Variants in CPED1 observed in about 807,000 individuals in gnomAD.
CPED1 encodes cadherin-like and PC-esterase domain-containing protein 1.
In CPED1, 114 loss-of-function variants were observed where a neutral mutation model predicts 128.2. The observed-to-expected ratio is 0.89, with a 90% CI of 0.76 to 1.04. The LOEUF (loss-of-function observed/expected upper bound fraction) is 1.04. Among genes scored for constraint, CPED1 ranks in the 50% least tolerant of loss-of-function variants. The pLI, the probability that CPED1 is intolerant of heterozygous loss-of-function variation, is 0.00. For missense variants in CPED1, 1,211 were observed against 1,207.1 expected, an observed-to-expected ratio of 1.00 and a Z score of -0.05; for synonymous variants, 462 against 426.7, an observed-to-expected ratio of 1.08 and a Z score of -1.02.
chr7:121,282,867 T>C (rs547155251), intron 22 of CPED1, among the ~76,000 whole-genome samples: 18 of 152,282 alleles, frequency 1.2e-4, no homozygotes, highest in Admixed American at 1.1e-3. Flanking sequence ...CCCTTGAGGG[T>C]AGGGACCATA....
At chr7:121,032,775 T>C (rs1792770838) in intron 3 of CPED1, among the ~76,000 whole-genome samples, 1 of 152,122 alleles carries the variant, frequency 6.6e-6, no homozygotes, top group African/African-American at 2.4e-5. Flanking sequence ...TGCAGTTTAA[T>C]AGTACTTGGC....
chr7:121,167,025 A>T (rs538285769), intron 16 of CPED1, among the ~76,000 whole-genome samples: 1 of 152,296 alleles, frequency 6.6e-6, no homozygotes, highest in East Asian at 1.9e-4. Flanking sequence ...GCCTTCGCTA[A>T]TCATTCAGTG....
rs1190089090 is a variant in CPED1, at chr7:121,261,506, C to CTCCT, written c.2311-4720_2311-4717dup. The CTCCT allele has an allele frequency of 5.9e-6, 8 of 1,363,602 alleles. No homozygotes were observed. In the East Asian group the frequency reaches 1.7e-4, roughly 30 times the overall value. The allele number at this position is 1,363,602 out of a possible 1,614,324, so 84.5% of individuals were successfully genotyped here. A position where few individuals can be genotyped will look rare whatever the true frequency, so the allele number is the denominator to read the frequency against. On this transcript the variant is annotated intron_variant, in intron 18 of 22. Transcript: ENST00000310396. The stretch of plus-strand genomic sequence containing the variant: ...ACAACTTGACTATATTTCTCAGTGT[C>CTCCT]TCCTGACATTAGGTATTTGGCCATG...
intron 7 of CPED1, among the ~76,000 whole-genome samples, chr7:121,122,624 C>G (rs1014983935): frequency 6.6e-6 from 1 of 152,108 alleles, no homozygotes; most frequent in African/African-American, 2.4e-5. Flanking sequence ...GAACCTGGAC[C>G]TTTTTACCTC....
At chr7:121,236,411 T>G (rs1401070174) in intron 16 of CPED1, among the ~76,000 whole-genome samples, 1 of 152,144 alleles carries the variant, frequency 6.6e-6, no homozygotes, top group Admixed American at 6.6e-5. Flanking sequence ...CTTGCTGTAT[T>G]GTCCTCTATT....
At chr7:121,033,200 C>T (rs2116864535) in intron 3 of CPED1, among the ~76,000 whole-genome samples, 1 of 152,232 alleles carries the variant, frequency 6.6e-6, no homozygotes, top group South Asian at 2.1e-4. Flanking sequence ...GAGTGTCTGT[C>T]AAGTTAATAT....
chr7:121,221,260 A>G (rs540551735), intron 16 of CPED1, among the ~76,000 whole-genome samples: 5 of 152,148 alleles, frequency 3.3e-5, no homozygotes, highest in Admixed American at 3.3e-4. Flanking sequence ...GACGGTTTCC[A>G]GCTTCATCCA....
At chr7:121,288,188 T>C (rs780885289) in intron 22 of CPED1, among the ~76,000 whole-genome samples, 10 of 152,232 alleles carry the variant, frequency 6.6e-5, no homozygotes, top group Non-Finnish European at 1.2e-4. Flanking sequence ...AATTTTTACA[T>C]CTATATTTTG....
rs535305168 is a variant in CPED1, at chr7:121,251,630, A to C, written c.2310+7292A>C. ...AACTACAGCAAAGTCTCAGGATACA[A>C]AATCAATGTGCAAAAATCACAAACA... On this transcript the variant is annotated intron_variant, in intron 18 of 22. Transcript: ENST00000310396. Among the ~76,000 whole-genome samples the C allele has an allele frequency of 1.9e-3, 296 of 152,336 alleles. 1 individual carries two copies. Among genetic ancestry groups the C allele is most frequent in the African/African-American group, 6.0e-3 (248 of 41,576 alleles).
At chr7:121,030,529 C>G (rs1229166564) in intron 3 of CPED1, among the ~76,000 whole-genome samples, 1 of 152,162 alleles carries the variant, frequency 6.6e-6, no homozygotes, top group African/African-American at 2.4e-5. Flanking sequence ...CTGTAGATGC[C>G]CCCTACCCTT....
At chr7:121,113,564 G>A (rs1360134348) in intron 7 of CPED1, among the ~76,000 whole-genome samples, 1 of 152,172 alleles carries the variant, frequency 6.6e-6, no homozygotes, top group African/African-American at 2.4e-5. Context: ...ATAGGTTATA[G>A]TCTTGGAACT....
At chr7:121,087,665 C>CTTTTTTTTTTTTTTTTTT (rs72453872) in intron 5 of CPED1, among the ~76,000 whole-genome samples, 8 of 131,554 alleles carry the variant, frequency 6.1e-5, no homozygotes, top group African/African-American at 2.5e-4. Flanking sequence ...CTTTTCTTTC[C>CTTTTTTTTTTTTTTTTTT]TGTTTTTTTT....
intron 16 of CPED1, among the ~76,000 whole-genome samples, chr7:121,176,255 T>A (rs975016809): frequency 9.4e-5 from 13 of 138,748 alleles, no homozygotes; most frequent in Middle Eastern, 4.5e-3. Flanking sequence ...GTTAGTTAAA[T>A]AACTAATAGT....
At position 121,028,696 on chromosome 7, in the gene CPED1, C is replaced by T. The variant is rs565544733; in HGVS notation, c.433+12848C>T. ...ATGATACTGTGGAAAAAACATTGGC[C>T]TAGGTTGCATTGTCTATGTGAAACC... On this transcript the variant is annotated intron_variant, in intron 3 of 22. Transcript: ENST00000310396. Among the ~76,000 whole-genome samples the T allele has an allele frequency of 3.3e-5, 5 of 152,152 alleles. 1 individual carries two copies. Among genetic ancestry groups the T allele is most frequent in the Admixed American group, 2.0e-4 (3 of 15,276 alleles).
chr7:121,285,074 T>C (rs77633658), intron 22 of CPED1, among the ~76,000 whole-genome samples: 3,701 of 152,266 alleles, frequency 0.024, 127 homozygotes, highest in South Asian at 0.13. Context: ...AGGTGGAGGT[T>C]CCCAAACTTA....
At chr7:121,084,858 A>G (rs1465042506) in intron 5 of CPED1, among the ~76,000 whole-genome samples, 3 of 152,168 alleles carry the variant, frequency 2.0e-5, no homozygotes, top group African/African-American at 7.2e-5. Context: ...TGAATGCCTA[A>G]CCATTTAAAC....
chr7:121,166,915 A>C (rs76499770), intron 16 of CPED1, among the ~76,000 whole-genome samples: 1 of 152,158 alleles, frequency 6.6e-6, no homozygotes, highest in Non-Finnish European at 1.5e-5. Context: ...TTCCACTGAG[A>C]TGAAAAGAGT....
chr7:121,100,569 A>G (rs1248145426), intron 7 of CPED1, among the ~76,000 whole-genome samples: 2 of 152,182 alleles, frequency 1.3e-5, no homozygotes, highest in African/African-American at 4.8e-5. Context: ...ATAGCAAGCT[A>G]TGACATAAAG....
At chr7:121,290,625 A>G (rs996010480) in intron 22 of CPED1, among the ~76,000 whole-genome samples, 1 of 152,272 alleles carries the variant, frequency 6.6e-6, no homozygotes, top group South Asian at 2.1e-4. Context: ...GTGTCTGTTC[A>G]TATCCTTCAC....
Sources: allele counts gnomAD v4.1 joint callset (sites outside exome capture counted in the v4.1 genomes callset), GRCh38; gene constraint gnomAD v4.1.1; transcripts MANE v1.5; gene names NCBI Gene and HGNC (gene_info 2026-07-23, HGNC 2026-07-21).